CELF2: variants seen among roughly 807,000 people sequenced by gnomAD.
CELF2 encodes the protein CUG triplet repeat RNA-binding protein 2.
In CELF2, 8 loss-of-function variants were observed where a neutral mutation model predicts 62.6. The observed-to-expected ratio is 0.13, with a 90% CI of 0.07 to 0.23. CELF2 has a LOEUF of 0.23. Among genes scored for constraint, CELF2 ranks in the 10% least tolerant of loss-of-function variants. CELF2 has a pLI of 1.00. For synonymous variants in CELF2, 258 were observed against 250.0 expected, an observed-to-expected ratio of 1.03 and a Z score of -0.30; for missense variants, 333 against 671.0, an observed-to-expected ratio of 0.50 and a Z score of 5.56.
rs74686979 is a variant in CELF2 at position 11,224,198 on chromosome 10, T to A, written c.354+6691T>A. 0.017 allele frequency among the ~76,000 whole-genome samples: 2,605 copies of A among 152,228 alleles called. 80 individuals are homozygous for A. Among genetic ancestry groups the A allele is most frequent in the African/African-American group, 0.059 (2,442 of 41,506 alleles). ...GAACCCAGTGGAAGGCAATGTTTAG[T>A]TTTGCAAACAACGTAGTCTCAGCTA... On this transcript the variant is annotated intron_variant, in intron 3 of 12. Transcript: ENST00000633077. This position sits in a 1 kb window ranked among gnomAD's most constrained non-coding sequence, Gnocchi z 4.5.
chr10:10,709,797 C>T, the CELF2 span, among the ~76,000 whole-genome samples: 8 of 152,186 alleles, frequency 5.3e-5, no homozygotes, highest in East Asian at 5.8e-4. Flanking sequence ...TTTAAAAATC[C>T]GGCACTCAGT....
chr10:10,801,532 TAGC>T lies in CELF2; in HGVS notation c.53+2718_53+2720del, dbSNP rs2054663313. Among the ~76,000 whole-genome samples, 3 of 152,206 alleles carry T rather than the reference TAGC, an allele frequency of 2.0e-5. No individual in the cohort carries two copies. In the South Asian group the frequency reaches 6.2e-4, roughly 31 times the overall value. ...CTCTAACGCCACATAGCACGGTTGTTAGCAGGGTTGTCTGTGATCTGAGTTATG... is the reference window on the plus strand; with the variant it reads ...CTCTAACGCCACATAGCACGGTTGTTAGGGTTGTCTGTGATCTGAGTTATG... On this transcript the variant is annotated intron_variant, in intron 1 of 13. Coordinates refer to the CELF2 transcript ENST00000636488.
chr10:10,799,134 G>A (rs2054378905), intron 1 of CELF2, among the ~76,000 whole-genome samples: 3 of 152,144 alleles, frequency 2.0e-5, no homozygotes, highest in Non-Finnish European at 4.4e-5. Flanking sequence ...CTTCAGGGGG[G>A]CATTAAAGGT....
At chr10:11,162,971 T>C (rs928979354) in intron 1 of CELF2, among the ~76,000 whole-genome samples, 2 of 152,098 alleles carry the variant, frequency 1.3e-5, no homozygotes, top group Admixed American at 1.3e-4. Context: ...CCACACTGCC[T>C]CTAGATGAGA....
At chr10:10,749,370 A>T in the CELF2 span, among the ~76,000 whole-genome samples, 2 of 152,192 alleles carry the variant, frequency 1.3e-5, no homozygotes, top group Non-Finnish European at 2.9e-5. Context: ...TGAGGGTACT[A>T]AGTGGCCTAG....
intron 2 of CELF2, among the ~76,000 whole-genome samples, chr10:10,984,620 C>T (rs2052532921): frequency 6.6e-6 from 1 of 152,018 alleles, no homozygotes; most frequent in East Asian, 1.9e-4. Context: ...GCATGCATGC[C>T]CTCCCTTTAA....
the CELF2 span, among the ~76,000 whole-genome samples, chr10:10,629,272 A>C: frequency 6.6e-6 from 1 of 152,146 alleles, no homozygotes; most frequent in Non-Finnish European, 1.5e-5. Flanking sequence ...CTCCGCCCTG[A>C]ACACTCCTTG....
At chr10:11,233,371 C>G (rs983206505) in intron 3 of CELF2, among the ~76,000 whole-genome samples, 2 of 152,206 alleles carry the variant, frequency 1.3e-5, no homozygotes, top group Non-Finnish European at 2.9e-5. Context: ...CCTTTAAACA[C>G]TGACATGCCC....
the CELF2 span, among the ~76,000 whole-genome samples, chr10:10,737,856 C>A: frequency 3.3e-5 from 5 of 152,136 alleles, no homozygotes; most frequent in Admixed American, 2.6e-4. Flanking sequence ...CAGTGCAAAT[C>A]CCAGAAAGTA....
intron 6 of CELF2, 84 bp downstream of exon 6, chr10:11,266,761 C>A: frequency 9.6e-7 from 1 of 1,041,486 alleles, no homozygotes; most frequent in Non-Finnish European, 1.4e-6. Flanking sequence ...GTGGATTGTT[C>A]ACATGACAAT....
chr10:10,573,576 T>C, the CELF2 span, among the ~76,000 whole-genome samples: 13 of 152,152 alleles, frequency 8.5e-5, no homozygotes, highest in Non-Finnish European at 1.2e-4. Flanking sequence ...TTCAATGAAA[T>C]AAGAGCAGGA....
the CELF2 span, among the ~76,000 whole-genome samples, chr10:10,651,625 C>G: frequency 1.4e-5 from 2 of 146,350 alleles, no homozygotes; most frequent in Non-Finnish European, 3.0e-5. Context: ...ACACCTCACA[C>G]GGCAGGGTAT....
chr10:11,259,672 C>T (rs1235111656), intron 5 of CELF2, among the ~76,000 whole-genome samples: 1 of 152,188 alleles, frequency 6.6e-6, no homozygotes, highest in East Asian at 1.9e-4. Flanking sequence ...CCACCTCTGG[C>T]TCCCAAACAG....
the CELF2 span, among the ~76,000 whole-genome samples, chr10:10,661,048 G>T: frequency 6.6e-6 from 1 of 152,070 alleles, no homozygotes; most frequent in Non-Finnish European, 1.5e-5. Flanking sequence ...TTAAAATTGA[G>T]GTATAATTTA....
chr10:11,192,994 G>T (rs1565204058), intron 2 of CELF2, among the ~76,000 whole-genome samples: 1 of 152,188 alleles, frequency 6.6e-6, no homozygotes, highest in African/African-American at 2.4e-5. Flanking sequence ...GGCAGTGTCT[G>T]TGAATTTTCA....
At chr10:10,985,440 T>C (rs1363472974) in intron 2 of CELF2, among the ~76,000 whole-genome samples, 1 of 152,226 alleles carries the variant, frequency 6.6e-6, no homozygotes. Context: ...TTGATAGATC[T>C]GCCTTTCTTA....
At chr10:11,096,192 A>G (rs908733004) in intron 1 of CELF2, 7 of 152,228 alleles carry the variant, frequency 4.6e-5, no homozygotes, top group African/African-American at 1.7e-4. Flanking sequence ...TCAGCAAGGT[A>G]ATCTATTAGA....
At chr10:11,082,101 T>C (rs2074184120) in intron 1 of CELF2, among the ~76,000 whole-genome samples, 1 of 151,824 alleles carries the variant, frequency 6.6e-6, no homozygotes, top group Admixed American at 6.6e-5. Context: ...GGACCCAGAG[T>C]CCTGTGGAGG....
the CELF2 span, among the ~76,000 whole-genome samples, chr10:10,675,414 T>C: frequency 1.3e-5 from 2 of 152,146 alleles, no homozygotes; most frequent in Non-Finnish European, 2.9e-5. Flanking sequence ...TTTTCTTCTT[T>C]ATCTTTGATT....
Sources: allele counts gnomAD v4.1 joint callset (sites outside exome capture counted in the v4.1 genomes callset), GRCh38; gene constraint gnomAD v4.1.1; non-coding constraint Gnocchi (gnomAD v3.1); transcripts MANE v1.5; gene names NCBI Gene and HGNC (gene_info 2026-07-23, HGNC 2026-07-21).